PDE4B: variants seen among roughly 807,000 people sequenced by gnomAD.
The protein encoded by PDE4B is 3',5'-cyclic-AMP phosphodiesterase 4B.
A neutral mutation model predicts 82.2 loss-of-function variants in PDE4B; 20 were observed. The ratio of observed to expected loss-of-function variants is 0.24; its 90% CI spans 0.17 to 0.35. The LOEUF is 0.35. Among genes scored for constraint, PDE4B ranks in the 10% least tolerant of loss-of-function variants. The pLI is 1.00. For missense variants in PDE4B, 655 were observed against 907.2 expected (o/e 0.72, Z 3.57); for synonymous variants, 320 against 318.9 (o/e 1.00, Z -0.04).
intron 3 of PDE4B, among the ~76,000 whole-genome samples, chr1:65,965,640 G>T (rs1468596122): frequency 6.6e-6 from 1 of 151,680 alleles, no homozygotes; most frequent in Non-Finnish European, 1.5e-5. Flanking sequence ...CAACCAGGAG[G>T]GTTTCCAATT....
At chr1:66,278,561 T>C (rs1656060443) in intron 7 of PDE4B, among the ~76,000 whole-genome samples, 1 of 152,248 alleles carries the variant, frequency 6.6e-6, no homozygotes. Flanking sequence ...CCAGTCATCC[T>C]ACTAAGAACA....
intron 1 of PDE4B, among the ~76,000 whole-genome samples, chr1:65,835,079 TG>T (rs1319446174): frequency 6.6e-6 from 1 of 152,180 alleles, no homozygotes; most frequent in Non-Finnish European, 1.5e-5. Context: ...ATTTACTTAG[TG>T]AATAAATTAA....
chr1:65,883,477 G>C (rs1646733926), intron 1 of PDE4B, among the ~76,000 whole-genome samples: 1 of 152,198 alleles, frequency 6.6e-6, no homozygotes, highest in African/African-American at 2.4e-5. Context: ...TGGTGTATAA[G>C]AATGCTTGTG....
chr1:65,794,033 C>T (rs1474557085), intron 1 of PDE4B, among the ~76,000 whole-genome samples: 1 of 151,610 alleles, frequency 6.6e-6, no homozygotes, highest in Non-Finnish European at 1.5e-5. Flanking sequence ...CTCTTAATTA[C>T]AGTAGTTATA....
chr1:66,147,399 G>A (rs938760497), intron 3 of PDE4B, among the ~76,000 whole-genome samples: 1 of 152,172 alleles, frequency 6.6e-6, no homozygotes, highest in Non-Finnish European at 1.5e-5. Context: ...ACTGTTAGCT[G>A]ATGGCAGGAT....
chr1:66,232,945 G>A (rs1652097521), intron 3 of PDE4B, among the ~76,000 whole-genome samples: 1 of 152,008 alleles, frequency 6.6e-6, no homozygotes. Context: ...TGGATGCAGG[G>A]GTGCATGGAA....
intron 7 of PDE4B, among the ~76,000 whole-genome samples, chr1:66,293,132 A>T (rs898295172): frequency 3.9e-5 from 6 of 152,106 alleles, no homozygotes; most frequent in African/African-American, 4.8e-5. Flanking sequence ...TCACAAAATG[A>T]CCTTTTTTGA....
At chr1:66,074,188 T>C (rs1656303568) in intron 3 of PDE4B, among the ~76,000 whole-genome samples, 1 of 152,124 alleles carries the variant, frequency 6.6e-6, no homozygotes, top group South Asian at 2.1e-4. Context: ...AGACCTTTGG[T>C]TTAATGAATT....
At chr1:65,930,488 T>A (rs1381921536) in intron 3 of PDE4B, among the ~76,000 whole-genome samples, 1 of 152,080 alleles carries the variant, frequency 6.6e-6, no homozygotes, top group Non-Finnish European at 1.5e-5. Context: ...CATTGGGGGG[T>A]CGAGCCCTGG....
At chr1:66,202,754 A>G (rs1649118741) in intron 3 of PDE4B, among the ~76,000 whole-genome samples, 1 of 152,096 alleles carries the variant, frequency 6.6e-6, no homozygotes, top group East Asian at 1.9e-4. Flanking sequence ...GGCACGTGAG[A>G]TGGGTTTCCT....
intron 3 of PDE4B, among the ~76,000 whole-genome samples, chr1:66,086,696 C>A (rs763202397): frequency 6.6e-6 from 1 of 152,152 alleles, no homozygotes; most frequent in African/African-American, 2.4e-5. Flanking sequence ...GCAAACTCCA[C>A]CATTAGTTCC....
intron 3 of PDE4B, among the ~76,000 whole-genome samples, chr1:66,003,812 C>G (rs991926085): frequency 6.6e-6 from 1 of 152,124 alleles, no homozygotes; most frequent in Non-Finnish European, 1.5e-5. Flanking sequence ...CCTAACTGCC[C>G]AAGACTTCCT....
At position 66,225,363 on chromosome 1, in the gene PDE4B, A is replaced by G. The variant is rs115848107; in HGVS notation, c.282-22097A>G. ...TGCCAAAACTCATGGCACAATATCA[A>G]TCCTCATTTTACTCTTCTCAGTCGA... On this transcript the variant is annotated intron_variant, in intron 3 of 16. Coordinates refer to ENST00000341517, the MANE Select transcript of PDE4B (RefSeq NM_002600.4). 2.7e-3 allele frequency among the ~76,000 whole-genome samples: 413 copies of G among 152,274 alleles called. 1 individual carries two copies. Among genetic ancestry groups the G allele is most frequent in the African/African-American group, 9.4e-3 (392 of 41,538 alleles).
chr1:66,107,506 C>G (rs1027170061), intron 3 of PDE4B, among the ~76,000 whole-genome samples: 4 of 123,814 alleles, frequency 3.2e-5, no homozygotes, highest in Admixed American at 1.7e-4. Context: ...TAGGAAACAG[C>G]AAAACAAAAC....
intron 3 of PDE4B, among the ~76,000 whole-genome samples, chr1:66,127,918 TTTGA>T (rs1355847992): frequency 3.3e-5 from 5 of 152,194 alleles, no homozygotes; most frequent in East Asian, 1.9e-4. Flanking sequence ...AGCTTGTGAC[TTTGA>T]TTGGGGGATT....
At chr1:66,177,679 C>T (rs888360604) in intron 3 of PDE4B, among the ~76,000 whole-genome samples, 9 of 125,592 alleles carry the variant, frequency 7.2e-5, no homozygotes, top group Admixed American at 6.7e-4. Flanking sequence ...GTGTCCACAG[C>T]GCATTGAAGC....
At chr1:66,056,485 C>CATCTATCTATCT (rs1553138871) in intron 3 of PDE4B, among the ~76,000 whole-genome samples, 4 of 143,570 alleles carry the variant, frequency 2.8e-5, no homozygotes, top group Non-Finnish European at 3.0e-5. Flanking sequence ...ATCTATCTAT[C>CATCTATCTATCT]ATCTATCTAT....
chr1:66,177,099 C>G (rs78760433), intron 3 of PDE4B, among the ~76,000 whole-genome samples: 32 of 152,334 alleles, frequency 2.1e-4, no homozygotes, highest in African/African-American at 7.5e-4. Flanking sequence ...CATTTGACTT[C>G]AGTCTAACAG....
intron 3 of PDE4B, among the ~76,000 whole-genome samples, chr1:66,018,140 G>A (rs187902444): frequency 1.2e-3 from 182 of 152,170 alleles, no homozygotes; most frequent in African/African-American, 3.9e-3. Context: ...GTTTTAGGCC[G>A]GGCACGGTGG....
Sources: allele counts gnomAD v4.1 joint callset (sites outside exome capture counted in the v4.1 genomes callset), GRCh38; gene constraint gnomAD v4.1.1; transcripts MANE v1.5; gene names NCBI Gene and HGNC (gene_info 2026-07-23, HGNC 2026-07-21).